Variants in KDM2A observed in about 807,000 individuals in gnomAD.
The protein encoded by KDM2A is lysine-specific demethylase 2A.
A neutral mutation model predicts 137.3 loss-of-function variants in KDM2A; 3 were observed. The observed-to-expected ratio is 0.02, with a 90% CI of 0.01 to 0.06. The LOEUF (loss-of-function observed/expected upper bound fraction) is 0.06. Ranked by LOEUF, KDM2A falls within the 10% of genes least tolerant of loss-of-function variation. The probability of loss-of-function intolerance (pLI) is 1.00; values close to 1 mark genes in which losing one functional copy is unlikely to be tolerated. For synonymous variants in KDM2A, 512 were observed against 541.5 expected, an observed-to-expected ratio of 0.95 and a Z score of 0.76; for missense variants, 738 against 1,510.6, an observed-to-expected ratio of 0.49 and a Z score of 8.48.
At chr11:67,138,375 T>C (rs1440487187) in intron 2 of KDM2A, among the ~76,000 whole-genome samples, 1 of 152,146 alleles carries the variant, frequency 6.6e-6, no homozygotes, top group East Asian at 1.9e-4. Context: ...GTTGCATAGG[T>C]TAGTTATCTA....
At position 67,144,588 on chromosome 11, in the gene KDM2A, G is replaced by C. The variant is rs1856200431; in HGVS notation, c.42+23230G>C. ...TTTAATATAAATTTTTTAGAGACAA[G>C]GTCTTGCTCTGTTAGCTCATCCAGG... is the stretch of plus-strand genomic sequence containing the variant. On this transcript the variant is annotated intron_variant, in intron 2 of 20. Transcript: ENST00000529006. Among the ~76,000 whole-genome samples the C allele has an allele frequency of 2.0e-5, 3 of 149,958 alleles. No individual in the cohort carries two copies. In the South Asian group the frequency reaches 6.4e-4, roughly 32 times the overall value.
At chr11:67,189,388 A>G (rs532831111) in intron 5 of KDM2A, among the ~76,000 whole-genome samples, 1 of 152,360 alleles carries the variant, frequency 6.6e-6, no homozygotes, top group African/African-American at 2.4e-5. Context: ...CAGTGAAAGC[A>G]ACATTAAAGG....
Position 67,250,515 on chromosome 11 carries a change from C to T in KDM2A, c.2485C>T (p.Leu829Phe). The T allele has an allele frequency of 6.2e-7, 1 of 1,614,038 alleles. No individual in the cohort carries two copies. The highest frequency in any genetic ancestry group is 8.5e-7 in the Non-Finnish European group (1 of 1,179,902). ...GGCCATCACGGCCTCCTCTGCCAAC[C>T]TTCGCCATTCCCCCCGTGTGCTAGT... Reference protein sequence around the residue: ...LQAITASSANLRHSPRVLVQH... With the variant: ...LQAITASSANFRHSPRVLVQH... The change falls in exon 17 of 21, where the codon CTT becomes TTT. Residue 829 changes from leucine to phenylalanine, a missense_variant. Coordinates refer to ENST00000529006, the MANE Select transcript of KDM2A (RefSeq NM_012308.3). This position sits in a 1 kb window ranked among gnomAD's most constrained non-coding sequence, Gnocchi z 7.1.
intron 5 of KDM2A, among the ~76,000 whole-genome samples, chr11:67,192,287 A>G (rs994878085): frequency 1.3e-5 from 2 of 152,126 alleles, no homozygotes; most frequent in African/African-American, 4.8e-5. Context: ...AACATTAACA[A>G]ATGGCATCAT....
chr11:67,143,572 C>G (rs189510008), intron 2 of KDM2A, among the ~76,000 whole-genome samples: 21 of 152,110 alleles, frequency 1.4e-4, no homozygotes, highest in Admixed American at 5.2e-4. Flanking sequence ...TTTTCTTACT[C>G]AGTGGAATTA....
At chr11:67,120,761 A>C (rs1174355717) in intron 1 of KDM2A, among the ~76,000 whole-genome samples, 1 of 152,064 alleles carries the variant, frequency 6.6e-6, no homozygotes, top group Non-Finnish European at 1.5e-5. Context: ...GGGTCATTTA[A>C]ATCCTAATTT....
rs1285834839 is a variant in KDM2A, at chr11:67,250,199, G to A, written c.2169G>A (p.Leu723=). Residue 723 remains leucine, a synonymous_variant, in exon 17 of 21, where the codon CTG becomes CTA. Transcript: ENST00000529006. The surrounding 1 kb of genome is among the most constrained non-coding windows in gnomAD (Gnocchi z 7.1). ...CGCCTCATTCACCCACTTCCATGCT[G>A]CAGCTCATCCATGACCCGGTTTCCC... is the stretch of plus-strand genomic sequence containing the variant. ...TPPPHSPTSM[L]QLIHDPVSPR... 1.9e-6 allele frequency: 3 copies of A among 1,613,734 alleles called. No individual in the cohort carries two copies. Among genetic ancestry groups the A allele is most frequent in the African/African-American group, 1.3e-5 (1 of 74,906 alleles).
Position 67,250,737 on chromosome 11 carries a change from C to T in KDM2A, c.2707C>T (p.Arg903Cys), listed in dbSNP as rs372925935. Residue 903 changes from arginine to cysteine, a missense_variant, in exon 17 of 21, where the codon CGC (arginine) becomes TGC (cysteine). By Grantham distance (180) the Arg-to-Cys change is radical. Transcript: ENST00000529006. This position sits in a 1 kb window ranked among gnomAD's most constrained non-coding sequence, Gnocchi z 7.1. Reference sequence around the variant, plus strand: ...GCGGGAGGTCTGGATGTCTGTCTTCCGCTACCTCAGCCGCAGAGAACTTTG... The same window carrying T: ...GCGGGAGGTCTGGATGTCTGTCTTCTGCTACCTCAGCCGCAGAGAACTTTG... ...MQREVWMSVF[R>C]YLSRRELCEC... is the part of the protein sequence containing the mutation. 20 of 1,556,020 alleles carry T rather than the reference C, an allele frequency of 1.3e-5. No individual in the cohort carries two copies. The highest frequency in any genetic ancestry group is 7.6e-5 in the Admixed American group (4 of 52,852).
intron 5 of KDM2A, among the ~76,000 whole-genome samples, chr11:67,190,894 G>A (rs1214026140): frequency 6.6e-6 from 1 of 152,158 alleles, no homozygotes; most frequent in Non-Finnish European, 1.5e-5. Flanking sequence ...CTATATTGTA[G>A]TTAGTGAGGA....
intron 2 of KDM2A, among the ~76,000 whole-genome samples, chr11:67,122,641 A>ATTTT (rs1361627243): frequency 1.4e-5 from 2 of 140,946 alleles, no homozygotes; most frequent in Non-Finnish European, 3.0e-5. Context: ...TTTTTTATTT[A>ATTTT]TTTTTATTTA....
Position 67,254,336 on chromosome 11 carries a change from C to T in KDM2A, c.3225C>T (p.Ser1075=). Residue 1075 remains serine (S), a synonymous_variant, in exon 20 of 21, where the codon AGC becomes AGT. Transcript: ENST00000529006. This position sits in a 1 kb window ranked among gnomAD's most constrained non-coding sequence, Gnocchi z 4.7. ...CTCGACTCGACCTCAGTCACTGCAG[C>T]CACCTTACAGATCAGTCCTCCAATC... The part of the protein sequence containing the change: ...LLSRLDLSHC[S]HLTDQSSNLL... The T allele has an allele frequency of 6.2e-7, 1 of 1,614,030 alleles. No homozygotes were observed. Among genetic ancestry groups the T allele is most frequent in the Non-Finnish European group, 8.5e-7 (1 of 1,179,882 alleles).
At chr11:67,157,421 T>C (rs1565381807) in intron 2 of KDM2A, among the ~76,000 whole-genome samples, 1 of 151,800 alleles carries the variant, frequency 6.6e-6, no homozygotes, top group Non-Finnish European at 1.5e-5. Flanking sequence ...CTTTATTTTT[T>C]AAAAGCAAAA....
intron 2 of KDM2A, among the ~76,000 whole-genome samples, chr11:67,170,511 C>T (rs1447881613): frequency 2.8e-5 from 4 of 144,932 alleles, no homozygotes; most frequent in Non-Finnish European, 4.5e-5. Context: ...CTCCTGGGTT[C>T]GCACCATTCT....
intron 2 of KDM2A, among the ~76,000 whole-genome samples, chr11:67,130,515 C>A (rs1855829257): frequency 6.6e-6 from 1 of 152,128 alleles, no homozygotes; most frequent in Non-Finnish European, 1.5e-5. Context: ...AGCCTTAAAG[C>A]TGTGAAGTTG....
intron 9 of KDM2A, among the ~76,000 whole-genome samples, chr11:67,218,597 T>TTTTA (rs368358428): frequency 2.6e-5 from 4 of 151,826 alleles, no homozygotes; most frequent in African/African-American, 7.3e-5. Context: ...GTATATTTTA[T>TTTTA]TTTATTTATT....
At chr11:67,144,020 C>T (rs944419060) in intron 2 of KDM2A, among the ~76,000 whole-genome samples, 28 of 151,946 alleles carry the variant, frequency 1.8e-4, no homozygotes, top group African/African-American at 6.5e-4. Flanking sequence ...CGGCTCACTG[C>T]AACCTCCACC....
chr11:67,239,488 A>C (rs1231089509), intron 12 of KDM2A, among the ~76,000 whole-genome samples: 1 of 152,212 alleles, frequency 6.6e-6, no homozygotes, highest in Non-Finnish European at 1.5e-5. Context: ...ACATAGGCAG[A>C]TTCTGGATTG....
intron 10 of KDM2A, among the ~76,000 whole-genome samples, chr11:67,224,920 C>T (rs1367363764): frequency 1.4e-5 from 2 of 140,022 alleles, no homozygotes; most frequent in Non-Finnish European, 3.0e-5. Flanking sequence ...CAGCTCACTG[C>T]AACCTCCACC....
rs141491021 is a variant in KDM2A, at chr11:67,156,592, G to A, written c.43-23487G>A. Among the ~76,000 whole-genome samples the A allele has an allele frequency of 3.8e-3, 573 of 152,012 alleles. 1 individual carries two copies. Among genetic ancestry groups the A allele is most frequent in the Non-Finnish European group, 6.3e-3 (427 of 67,978 alleles). On this transcript the variant is annotated intron_variant, in intron 2 of 20. Coordinates refer to ENST00000529006, the MANE Select transcript of KDM2A (RefSeq NM_012308.3). ...AAATTAGCCGGGCGTGGTGGTAGGC[G>A]CCTGTAGTCCCAGCTACTCAGGAGG... is the stretch of plus-strand genomic sequence containing the variant.
Sources: gnomAD v4.1 joint callset for allele counts (sites outside exome capture counted in the v4.1 genomes callset) on GRCh38, gnomAD v4.1.1 for gene constraint, Gnocchi (gnomAD v3.1) non-coding constraint, MANE v1.5 for transcripts, NCBI Gene and HGNC (gene_info 2026-07-23, HGNC 2026-07-21) for gene names.